Variants in DGKB observed in about 807,000 individuals in gnomAD.
The protein encoded by DGKB is diacylglycerol kinase beta.
Under a neutral mutation model 114.3 loss-of-function variants are expected in DGKB, and 67 were observed. That is an observed-to-expected ratio of 0.59 (90% CI 0.48 to 0.72). The LOEUF is 0.72. DGKB is among the 30% of genes least tolerant of loss of function. The probability of loss-of-function intolerance (pLI) is 0.00; values close to 1 mark genes in which losing one functional copy is unlikely to be tolerated. For synonymous variants in DGKB, 398 were observed against 323.1 expected, an observed-to-expected ratio of 1.23 and a Z score of -2.49; for missense variants, 907 against 975.2, an observed-to-expected ratio of 0.93 and a Z score of 0.93.
At chr7:14,420,697 C>A (rs1258542348) in intron 21 of DGKB, among the ~76,000 whole-genome samples, 3 of 152,030 alleles carry the variant, frequency 2.0e-5, no homozygotes, top group Non-Finnish European at 4.4e-5. Flanking sequence ...TTTCATTTAC[C>A]TTAAACTTCT....
chr7:14,827,430 G>A (rs1212726462), intron 2 of DGKB, among the ~76,000 whole-genome samples: 2 of 151,996 alleles, frequency 1.3e-5, no homozygotes, highest in African/African-American at 4.8e-5. Flanking sequence ...GAGAGAGAGA[G>A]AGAGAGACAG....
intron 20 of DGKB, among the ~76,000 whole-genome samples, chr7:14,484,040 T>G (rs1473302889): frequency 1.3e-5 from 2 of 152,022 alleles, no homozygotes; most frequent in African/African-American, 4.8e-5. Context: ...AGGGTTTTTT[T>G]TTTTTTGAGA....
At chr7:14,717,781 T>C (rs908531026) in intron 6 of DGKB, among the ~76,000 whole-genome samples, 3 of 152,110 alleles carry the variant, frequency 2.0e-5, no homozygotes, top group Non-Finnish European at 4.4e-5. Context: ...TATCAGGTTA[T>C]TGAGTAAGCT....
At chr7:14,488,027 A>G (rs1784082960) in intron 20 of DGKB, among the ~76,000 whole-genome samples, 2 of 152,192 alleles carry the variant, frequency 1.3e-5, no homozygotes, top group African/African-American at 2.4e-5. Context: ...AAGCAAATGT[A>G]CAAATGATTA....
chr7:14,245,185 C>T (rs545160244), intron 23 of DGKB, among the ~76,000 whole-genome samples: 39 of 152,068 alleles, frequency 2.6e-4, no homozygotes, highest in East Asian at 1.9e-3. Flanking sequence ...CACACACACA[C>T]GCACAAAACA....
At chr7:14,322,495 CTTAATG>C (rs1376414233) in intron 23 of DGKB, among the ~76,000 whole-genome samples, 1 of 152,046 alleles carries the variant, frequency 6.6e-6, no homozygotes, top group African/African-American at 2.4e-5. Flanking sequence ...TCAATTCCAT[CTTAATG>C]TTAAAGTTAA....
chr7:14,712,616 A>T (rs1827554365), intron 6 of DGKB, among the ~76,000 whole-genome samples: 1 of 152,092 alleles, frequency 6.6e-6, no homozygotes, highest in East Asian at 1.9e-4. Context: ...GGTTGCAGGG[A>T]GCCAAGACTG....
At chr7:14,954,214 G>T (rs55686350) in intron 1 of DGKB, among the ~76,000 whole-genome samples, 244 of 152,064 alleles carry the variant, frequency 1.6e-3, no homozygotes, top group African/African-American at 5.2e-3. Context: ...GGTTCATTCC[G>T]TGCTGAGATT....
intron 23 of DGKB, among the ~76,000 whole-genome samples, chr7:14,256,964 G>T (rs1001324172): frequency 6.6e-6 from 1 of 152,036 alleles, no homozygotes; most frequent in Non-Finnish European, 1.5e-5. Context: ...CCAGAAGTTT[G>T]AGACCAGCAT....
At chr7:14,710,809 T>C (rs535240977) in intron 6 of DGKB, among the ~76,000 whole-genome samples, 23 of 152,246 alleles carry the variant, frequency 1.5e-4, no homozygotes, top group African/African-American at 5.5e-4. Flanking sequence ...TTGTTTCATT[T>C]TCTAAAGTTA....
intron 2 of DGKB, among the ~76,000 whole-genome samples, chr7:14,810,288 T>G (rs959260391): frequency 6.6e-6 from 1 of 152,184 alleles, no homozygotes; most frequent in Non-Finnish European, 1.5e-5. Context: ...TAGTGAAACC[T>G]AGTCACTCAT....
At chr7:14,237,133 C>T (rs1265538761) in intron 23 of DGKB, among the ~76,000 whole-genome samples, 1 of 151,958 alleles carries the variant, frequency 6.6e-6, no homozygotes, top group Non-Finnish European at 1.5e-5. Context: ...ACTTGCCTAG[C>T]ACATTTCTAC....
chr7:14,270,036 A>G (rs888298261), intron 23 of DGKB, among the ~76,000 whole-genome samples: 1 of 132,728 alleles, frequency 7.5e-6, no homozygotes, highest in Non-Finnish European at 1.6e-5. Flanking sequence ...GTTTATTATA[A>G]GGCTTTTTTT....
intron 1 of DGKB, among the ~76,000 whole-genome samples, chr7:14,852,487 C>CCAAAAAAAAAAAAAAAAAAAAA (rs1849496401): frequency 3.1e-5 from 2 of 63,636 alleles, no homozygotes; most frequent in Non-Finnish European, 5.9e-5. Context: ...TAGTGAAAGT[C>CCAAAAAAAAAAAAAAAAAAAAA]AAAAAAAAAA....
chr7:14,966,031 TC>T (rs1437188334), intron 1 of DGKB, among the ~76,000 whole-genome samples: 1 of 152,094 alleles, frequency 6.6e-6, no homozygotes, highest in African/African-American at 2.4e-5. Context: ...TTATAAATAT[TC>T]TAAAACAATT....
At chr7:14,936,652 C>T (rs900283931) in intron 1 of DGKB, among the ~76,000 whole-genome samples, 2 of 152,098 alleles carry the variant, frequency 1.3e-5, no homozygotes, top group South Asian at 2.1e-4. Context: ...AAACACAGGG[C>T]AGGCCTGTTT....
At chr7:14,947,865 A>G (rs1020692824) in intron 1 of DGKB, among the ~76,000 whole-genome samples, 2 of 151,640 alleles carry the variant, frequency 1.3e-5, no homozygotes, top group Admixed American at 6.6e-5. Context: ...CCCCTTACTT[A>G]TTCTTATTCT....
At chr7:14,913,582 T>G (rs1723564526) in intron 1 of DGKB, among the ~76,000 whole-genome samples, 1 of 151,462 alleles carries the variant, frequency 6.6e-6, no homozygotes, top group Non-Finnish European at 1.5e-5. Flanking sequence ...TTCTAATATT[T>G]CAGAGGAGAG....
chr7:14,637,366 GA>G (rs1563749624), intron 13 of DGKB, among the ~76,000 whole-genome samples: 1 of 151,846 alleles, frequency 6.6e-6, no homozygotes, highest in Non-Finnish European at 1.5e-5. Context: ...TTTATAAGTA[GA>G]CATGCACCAC....
Sources: gnomAD v4.1 joint callset for allele counts (sites outside exome capture counted in the v4.1 genomes callset) on GRCh38, gnomAD v4.1.1 for gene constraint, MANE v1.5 for transcripts, NCBI Gene and HGNC (gene_info 2026-07-23, HGNC 2026-07-21) for gene names.